The following MMP9 variants were observed in gnomAD, a reference collection of about 807,000 sequenced individuals.
The protein encoded by MMP9 is matrix metalloproteinase-9.
A neutral mutation model predicts 76.4 loss-of-function variants in MMP9; 73 were observed. The ratio of observed to expected loss-of-function variants is 0.96; its 90% CI spans 0.79 to 1.16. The LOEUF (loss-of-function observed/expected upper bound fraction) is 1.16. Ranked by LOEUF, MMP9 falls within the 50% of genes most tolerant of loss-of-function variation. The probability of loss-of-function intolerance (pLI) is 0.00; values close to 1 mark genes in which losing one functional copy is unlikely to be tolerated. For synonymous variants in MMP9, 412 were observed against 408.4 expected (o/e 1.01, Z -0.11); for missense variants, 943 against 973.0 (o/e 0.97, Z 0.41).
intron 2 of MMP9, among the ~76,000 whole-genome samples, 154 bp from the exon 3 acceptor site, chr20:46,010,329 A>AC (rs61268200): frequency 0.3 from 42,770 of 143,776 alleles, 8,804 homozygotes; most frequent in East Asian, 0.49. Context: ...GACAAAAAAA[A>AC]AAAAAAAAAA....
In MMP9 at chr20:46,010,933, G is replaced by A; in HGVS notation, c.532G>A (p.Gly178Arg). 1 of 1,614,236 alleles carries A rather than the reference G, an allele frequency of 6.2e-7. No individual in the cohort carries two copies. ...IQFGVAEHGD[G>R]YPFDGKDGLL... ...ACCTGTTTCTTCAGAGCACGGAGACGGGTATCCCTTCGACGGGAAGGACGG... is the reference window on the plus strand; with the variant it reads ...ACCTGTTTCTTCAGAGCACGGAGACAGGTATCCCTTCGACGGGAAGGACGG... The change falls in exon 4 of 13, where the codon GGG becomes AGG. Residue 178 changes from glycine to arginine, a missense_variant. Coordinates refer to ENST00000372330, the MANE Select transcript of MMP9 (RefSeq NM_004994.3).
intron 2 of MMP9, among the ~76,000 whole-genome samples, 162 bp from the exon 3 acceptor site, chr20:46,010,321 C>CAAAAAAGAAAA (rs2084268159): frequency 1.6e-5 from 1 of 62,504 alleles, no homozygotes; most frequent in Non-Finnish European, 2.8e-5. Context: ...TCTAAGTAGA[C>CAAAAAAGAAAA]AAAAAAAAAA....
At chr20:46,014,495 C>T (rs993730825) in intron 12 of MMP9, 21 bp downstream of exon 12, 6 of 1,543,232 alleles carry the variant, frequency 3.9e-6, no homozygotes, top group Admixed American at 2.0e-5. Context: ...AGGAGGATCC[C>T]TTCGTGAGAC....
intron 11 of MMP9, 39 bp from the exon 12 acceptor site, chr20:46,014,332 A>T: frequency 6.5e-7 from 1 of 1,542,374 alleles, no homozygotes; most frequent in Non-Finnish European, 8.7e-7. Flanking sequence ...TCCGTCCGCT[A>T]GCCGGCTCAG....
In MMP9 at chr20:46,012,219, C is replaced by T; in HGVS notation, c.1080C>T (p.Thr360=). ...CTTTCCTGGGTAAGGAGTACTCGAC[C>T]TGTACCAGCGAGGGCCGCGGAGATG... ...PFTFLGKEYS[T]CTSEGRGDGR... The change falls in exon 7 of 13, where the codon ACC becomes ACT. Residue 360 remains threonine (T), a synonymous_variant. Coordinates refer to ENST00000372330, the MANE Select transcript of MMP9 (RefSeq NM_004994.3). 6.2e-7 allele frequency: 1 copy of T among 1,614,190 alleles called. No individual in the cohort carries two copies. The highest frequency in any genetic ancestry group is 8.5e-7 in the Non-Finnish European group (1 of 1,180,052).
At chr20:46,010,864 C>A (rs955941688) in intron 3 of MMP9, 58 bp from the exon 4 acceptor site, 5 of 1,613,712 alleles carry the variant, frequency 3.1e-6, no homozygotes, top group East Asian at 2.2e-5. Flanking sequence ...CCTTGGGCAG[C>A]GCACAATCTG....
At chr20:46,012,063 T>A in intron 6 of MMP9, 74 bp from the exon 7 acceptor site, 1 of 1,575,332 alleles carries the variant, frequency 6.3e-7, no homozygotes, top group Non-Finnish European at 8.7e-7. Context: ...ATTGTTTAGC[T>A]CCCTGTCGGG....
At chr20:46,010,414 T>C in intron 2 of MMP9, 69 bp from the exon 3 acceptor site, 3 of 1,567,962 alleles carry the variant, frequency 1.9e-6, no homozygotes, top group Non-Finnish European at 2.6e-6. Flanking sequence ...CTCTGCGATA[T>C]GGGGTGTCCC....
At chr20:46,009,717 G>C in intron 1 of MMP9, 149 bp from the exon 2 acceptor site, 1 of 714,318 alleles carries the variant, frequency 1.4e-6, no homozygotes. Flanking sequence ...GAGTCCAGGA[G>C]GTCCAGGCTG....
At position 46,010,088 on chromosome 20, in the gene MMP9, A is replaced by T. The variant is rs1360980988; in HGVS notation, c.361A>T (p.Ile121Phe). The part of the protein sequence containing the change: ...EGDLKWHHHN[I>F]TYWIQNYSED... The stretch of plus-strand genomic sequence containing the variant: ...CGACCTCAAGTGGCACCACCACAAC[A>T]TCACCTATTGGTGAGCCGGGGCCGT... Residue 121 changes from isoleucine (I) to phenylalanine (F), a missense_variant, in exon 2 of 13, where the codon ATC becomes TTC. By Grantham distance (21) the Ile-to-Phe change is conservative (BLOSUM62 0). Transcript: ENST00000372330. 3.9e-6 allele frequency: 6 copies of T among 1,547,346 alleles called. No homozygotes were observed. In the South Asian group the frequency reaches 6.0e-5, roughly 15 times the overall value.
Position 46,012,532 on chromosome 20 carries a change from A to G in MMP9, c.1280A>G (p.Glu427Gly). 1 of 1,613,926 alleles carries G rather than the reference A, an allele frequency of 6.2e-7. No individual in the cohort carries two copies. The change falls in exon 8 of 13, where the codon GAG becomes GGG. Residue 427 changes from glutamate (E) to glycine (G), a missense_variant. Coordinates refer to ENST00000372330, the MANE Select transcript of MMP9 (RefSeq NM_004994.3). The part of the protein sequence containing the change: ...ALMYPMYRFT[E>G]GPPLHKDDVN... ...ATGTACCCTATGTACCGCTTCACTG[A>G]GGGGCCCCCCTTGCATAAGGACGAC...
intron 8 of MMP9, 58 bp downstream of exon 8, chr20:46,012,640 C>T: frequency 6.3e-7 from 1 of 1,595,084 alleles, no homozygotes; most frequent in Non-Finnish European, 8.6e-7. Context: ...TGCCACAGTA[C>T]CAAAGAATTG....
Position 46,013,337 on chromosome 20 carries a change from AC to A in MMP9, c.1419del (p.Thr474LeufsTer36). On this transcript the variant is annotated frameshift_variant, in exon 9 of 13. Coordinates refer to ENST00000372330, the MANE Select transcript of MMP9 (RefSeq NM_004994.3). LOFTEE classifies it high-confidence loss of function. This position sits in a 1 kb window ranked among gnomAD's most constrained non-coding sequence, Gnocchi z 4.5. Reference protein sequence around the residue: ...TAPPTVCPTGPPTVHPSERPT... With the variant: ...TAPPTVCPTGXPTVHPSERPT... ...CTCCCCCGACGGTCTGCCCCACCGG[AC>A]CCCCCACTGTCCACCCCTCAGAGCG... 1.9e-6 allele frequency: 3 copies of A among 1,603,256 alleles called. No homozygotes were observed. Among genetic ancestry groups the A allele is most frequent in the Non-Finnish European group, 2.6e-6 (3 of 1,174,418 alleles).
chr20:46,012,400 C>T (rs2084287240), intron 7 of MMP9, 27 bp from the exon 8 acceptor site: 6 of 1,613,784 alleles, frequency 3.7e-6, no homozygotes, highest in Non-Finnish European at 5.1e-6. Context: ...GCCCGGCGCT[C>T]ACGTCTCAGG....
In MMP9 at chr20:46,011,127, C is replaced by A; in HGVS notation, c.650-16C>A. 1 of 1,614,074 alleles carries A rather than the reference C, an allele frequency of 6.2e-7. No homozygotes were observed. The highest frequency in any genetic ancestry group is 8.5e-7 in the Non-Finnish European group (1 of 1,180,038). On this transcript the variant is annotated splice_polypyrimidine_tract_variant and intron_variant, in intron 4 of 12. Transcript: ENST00000372330. ...ATCACCCGCCGCCCTAACTCCGGTC[C>A]CCCCTCCTCCTGCAGTGGTTCCAAC...
chr20:46,016,075 C>T (rs1361336068), intron 12 of MMP9, among the ~76,000 whole-genome samples, 175 bp from the exon 13 acceptor site: 3 of 152,194 alleles, frequency 2.0e-5, no homozygotes, highest in Admixed American at 1.3e-4. Context: ...TCTGTGCCCT[C>T]CAGCATCTCA....
intron 12 of MMP9, among the ~76,000 whole-genome samples, chr20:46,015,819 AGT>A (rs1473933144): frequency 6.6e-6 from 1 of 152,196 alleles, no homozygotes; most frequent in African/African-American, 2.4e-5. Context: ...GCCTCACTAG[AGT>A]GTAAGCACCA....
At chr20:46,012,013 C>T in intron 6 of MMP9, 124 bp from the exon 7 acceptor site, 6 of 1,327,528 alleles carry the variant, frequency 4.5e-6, no homozygotes, top group Non-Finnish European at 5.2e-6. Flanking sequence ...GGTCTAGCCT[C>T]TTCTCAGGAG....
chr20:46,014,146 AGGCGCGTC>A lies in MMP9; in HGVS notation c.1776_1783del (p.Ser594GlyfsTer91). The stretch of plus-strand genomic sequence containing the variant: ...CAGGGCGCCAGGTGTGGGTGTACAC[AGGCGCGTC>A]GGTGCTGGGCCCGAGGCGTCTGGAC... On this transcript the variant is annotated frameshift_variant, in exon 11 of 13. Coordinates refer to ENST00000372330, the MANE Select transcript of MMP9 (RefSeq NM_004994.3). LOFTEE classifies it high-confidence loss of function. The A allele has an allele frequency of 6.5e-7, 1 of 1,536,434 alleles. No homozygotes were observed. The highest frequency in any genetic ancestry group is 8.7e-7 in the Non-Finnish European group (1 of 1,146,572).
Sources: gnomAD v4.1 joint callset for allele counts (sites outside exome capture counted in the v4.1 genomes callset) on GRCh38, gnomAD v4.1.1 for gene constraint, Gnocchi (gnomAD v3.1) non-coding constraint, MANE v1.5 for transcripts, NCBI Gene and HGNC (gene_info 2026-07-23, HGNC 2026-07-21) for gene names.